The following GPRC5A variants were observed in gnomAD, a reference collection of about 807,000 sequenced individuals.
The protein encoded by GPRC5A is retinoic acid-induced protein 3.
In GPRC5A, 19 loss-of-function variants were observed where a neutral mutation model predicts 22.5. That is an observed-to-expected ratio of 0.85 (90% CI 0.59 to 1.24). The LOEUF (loss-of-function observed/expected upper bound fraction) is 1.24. GPRC5A is among the 50% of genes most tolerant of loss of function. GPRC5A has a pLI of 0.00. For missense variants in GPRC5A, 471 were observed against 451.1 expected (o/e 1.04, Z -0.40); for synonymous variants, 192 against 184.5 (o/e 1.04, Z -0.33).
At chr12:12,900,135 C>T (rs1863866330) in intron 1 of GPRC5A, among the ~76,000 whole-genome samples, 1 of 152,202 alleles carries the variant, frequency 6.6e-6, no homozygotes, top group African/African-American at 2.4e-5. Context: ...GCTCCAGGAG[C>T]CTCTGGCTTT....
At chr12:12,898,490 C>T (rs139801842) in intron 1 of GPRC5A, among the ~76,000 whole-genome samples, 2 of 151,874 alleles carry the variant, frequency 1.3e-5, no homozygotes, top group East Asian at 1.9e-4. Flanking sequence ...GTGATTGTGC[C>T]ATTGCATCAC....
At chr12:12,912,058 T>C (rs374253176) in intron 2 of GPRC5A, 26 bp from the exon 3 acceptor site, 6 of 1,578,126 alleles carry the variant, frequency 3.8e-6, no homozygotes, top group Non-Finnish European at 4.4e-6. Flanking sequence ...CCCAGTGGTT[T>C]AATTTCTCCT....
At chr12:12,903,421 C>T (rs1440768419) in intron 1 of GPRC5A, among the ~76,000 whole-genome samples, 1 of 152,148 alleles carries the variant, frequency 6.6e-6, no homozygotes, top group Admixed American at 6.5e-5. Flanking sequence ...GCTGGGACTA[C>T]AAGTGTGCCC....
Position 12,912,103 on chromosome 12 carries a change from C to G in GPRC5A, c.942C>G (p.Asp314Glu), listed in dbSNP as rs1358621949. The part of the protein sequence containing the change: ...EITQGFEETG[D>E]TLYAPYSTHF... ...TTTCAGGTTTTGAAGAGACAGGGGA[C>G]ACGCTCTATGCCCCCTATTCCACAC... The change falls in exon 3 of 4, where the codon GAC (aspartate) becomes GAG (glutamate). Residue 314 changes from aspartate to glutamate, a missense_variant. Physicochemically the swap from Asp to Glu is conservative, Grantham distance 45 (BLOSUM62 2). Transcript: ENST00000014914. 1 of 1,613,290 alleles carries G rather than the reference C, an allele frequency of 6.2e-7. No individual in the cohort carries two copies. Among genetic ancestry groups the G allele is most frequent in the Admixed American group, 1.7e-5 (1 of 60,020 alleles).
Position 12,909,173 on chromosome 12 carries a change from TAC to T in GPRC5A, c.922+4_922+5del, listed in dbSNP as rs1565465466. ...ACTCTCAAGAGGAAATCACTCAAGG[TAC>T]AGATGCAGCCTGGCTAGGCAGAGAA... On this transcript the variant is annotated splice_donor_region_variant and intron_variant, in intron 2 of 3. Transcript: ENST00000014914. 2 of 1,564,542 alleles carry T rather than the reference TAC, an allele frequency of 1.3e-6. No individual in the cohort carries two copies. Among genetic ancestry groups the T allele is most frequent in the South Asian group, 2.3e-5 (2 of 87,478 alleles).
At chr12:12,893,639 A>G (rs370854621) in intron 1 of GPRC5A, among the ~76,000 whole-genome samples, 1 of 152,216 alleles carries the variant, frequency 6.6e-6, no homozygotes, top group Non-Finnish European at 1.5e-5. Flanking sequence ...ACCATGGACC[A>G]TAGTTCCTAT....
intron 1 of GPRC5A, among the ~76,000 whole-genome samples, chr12:12,902,923 C>T (rs911416872): frequency 3.9e-5 from 6 of 151,968 alleles, no homozygotes; most frequent in African/African-American, 1.5e-4. Context: ...CAAAATTAGC[C>T]GGGCATGGTG....
intron 1 of GPRC5A, among the ~76,000 whole-genome samples, chr12:12,901,733 G>A (rs2136458099): frequency 7.0e-6 from 1 of 143,186 alleles, no homozygotes; most frequent in East Asian, 2.1e-4. Context: ...GAGAATTTAT[G>A]AGATGTGTGT....
In GPRC5A at chr12:12,892,820, G is replaced by C. The variant is rs560842122; in HGVS notation, c.-8+1156G>C. ...AAACACCACACCTGTTGAAGGGTTC[G>C]GCCGAATCAGCCACTGCTGTGGGTT... On this transcript the variant is annotated intron_variant, in intron 1 of 3. Coordinates refer to ENST00000014914, the MANE Select transcript of GPRC5A (RefSeq NM_003979.4). Among the ~76,000 whole-genome samples the C allele has an allele frequency of 4.6e-5, 7 of 152,224 alleles. No individual in the cohort carries two copies. The East Asian group carries it at 1.4e-3, about 29-fold the overall frequency.
At chr12:12,900,348 A>G (rs1371442193) in intron 1 of GPRC5A, among the ~76,000 whole-genome samples, 2 of 152,204 alleles carry the variant, frequency 1.3e-5, no homozygotes, top group Admixed American at 6.5e-5. Flanking sequence ...TGAACGGTGG[A>G]GCTGAACATG....
At chr12:12,895,391 T>C (rs1224216557) in intron 1 of GPRC5A, among the ~76,000 whole-genome samples, 2 of 150,416 alleles carry the variant, frequency 1.3e-5, no homozygotes, top group Non-Finnish European at 3.0e-5. Flanking sequence ...TTTTTCAAAA[T>C]AGTTACCATT....
intron 1 of GPRC5A, among the ~76,000 whole-genome samples, chr12:12,894,901 C>T (rs1299847922): frequency 6.7e-6 from 1 of 150,236 alleles, no homozygotes; most frequent in East Asian, 2.0e-4. Flanking sequence ...GCCTCAGCCT[C>T]TTGAGTAGCT....
At chr12:12,904,234 A>T (rs1026730209) in intron 1 of GPRC5A, among the ~76,000 whole-genome samples, 2 of 152,156 alleles carry the variant, frequency 1.3e-5, no homozygotes, top group Non-Finnish European at 2.9e-5. Context: ...TATGTCAAAG[A>T]GGGGACCAAA....
chr12:12,912,553 A>T lies in GPRC5A; in HGVS notation c.*14A>T. The T allele has an allele frequency of 6.7e-7, 1 of 1,483,066 alleles. No individual in the cohort carries two copies. The allele number at this position is 1,483,066 out of a possible 1,614,324, so 91.9% of individuals were successfully genotyped here. On this transcript the variant is annotated 3_prime_UTR_variant, in exon 4 of 4. Coordinates refer to ENST00000014914, the MANE Select transcript of GPRC5A (RefSeq NM_003979.4). ...GAGGGCAGCTAACTCTGTCCTGAAGAGTGGGACAAATGCAGCCGGGCGGCA... is the reference window on the plus strand; with the variant it reads ...GAGGGCAGCTAACTCTGTCCTGAAGTGTGGGACAAATGCAGCCGGGCGGCA...
intron 1 of GPRC5A, among the ~76,000 whole-genome samples, chr12:12,901,322 G>C (rs1200730231): frequency 6.6e-6 from 1 of 152,084 alleles, no homozygotes; most frequent in Non-Finnish European, 1.5e-5. Flanking sequence ...ATAGGAGCGG[G>C]GTTCAGACAT....
chr12:12,905,947 TG>T (rs976939940), intron 1 of GPRC5A, among the ~76,000 whole-genome samples: 1 of 151,682 alleles, frequency 6.6e-6, no homozygotes. Context: ...ACTAGGAGAG[TG>T]GAACCAGAGT....
intron 1 of GPRC5A, among the ~76,000 whole-genome samples, chr12:12,898,005 T>C (rs1282352094): frequency 6.6e-6 from 1 of 152,186 alleles, no homozygotes; most frequent in Non-Finnish European, 1.5e-5. Context: ...TCTTGTCTCC[T>C]CTTGAGGCTT....
chr12:12,917,209 G>GT lies in GPRC5A; in HGVS notation c.*4670_*4671insT, dbSNP rs1383465120. 8.0e-6 allele frequency: 1 copy of GT among 125,410 alleles called. No individual in the cohort carries two copies. The highest frequency in any genetic ancestry group is 1.7e-5 in the Non-Finnish European group (1 of 58,886). The allele number at this position is 125,410 out of a possible 1,614,324, so 7.8% of individuals were successfully genotyped here. On this transcript the variant is annotated 3_prime_UTR_variant, in exon 4 of 4. Transcript: ENST00000014914. Reference sequence around the variant, plus strand: ...TCAGGATGTTCCAAGGATGCTGCTGGATCTGTGTGTGTGTGTGTGTGTGTG... The same window carrying GT: ...TCAGGATGTTCCAAGGATGCTGCTGGTATCTGTGTGTGTGTGTGTGTGTGTG...
chr12:12,899,618 G>A (rs1335726916), intron 1 of GPRC5A, among the ~76,000 whole-genome samples: 1 of 152,198 alleles, frequency 6.6e-6, no homozygotes, highest in Non-Finnish European at 1.5e-5. Flanking sequence ...GCATGTAAAT[G>A]AGAGAATATG....
Sources: allele counts gnomAD v4.1 joint callset (sites outside exome capture counted in the v4.1 genomes callset), GRCh38; gene constraint gnomAD v4.1.1; transcripts MANE v1.5; gene names NCBI Gene and HGNC (gene_info 2026-07-23, HGNC 2026-07-21).